The following KCNC2 variants were observed in gnomAD, a reference collection of about 807,000 sequenced individuals.
KCNC2 encodes potassium voltage-gated channel subfamily C member 2.
KCNC2 carries 21 observed loss-of-function variants against 44.5 expected under a neutral mutation model. The observed-to-expected ratio is 0.47, with a 90% confidence interval of 0.33 to 0.68. The LOEUF is 0.68. Among genes scored for constraint, KCNC2 ranks in the 30% least tolerant of loss-of-function variants. The probability of loss-of-function intolerance (pLI) is 0.01; values close to 1 mark genes in which losing one functional copy is unlikely to be tolerated. For missense variants in KCNC2, 589 were observed against 826.2 expected (o/e 0.71, Z 3.52); for synonymous variants, 391 against 339.1 (o/e 1.15, Z -1.68).
At chr12:75,191,526 TA>T (rs869080669) in intron 2 of KCNC2, among the ~76,000 whole-genome samples, 5,110 of 54,294 alleles carry the variant, frequency 0.094, 275 homozygotes, top group Admixed American at 0.21. Flanking sequence ...TTATTATTAT[TA>T]TTTTTTTTTT....
intron 2 of KCNC2, among the ~76,000 whole-genome samples, chr12:75,177,125 G>A (rs1035527491): frequency 1.3e-5 from 2 of 150,778 alleles, no homozygotes; most frequent in African/African-American, 4.9e-5. Context: ...TTGTTTTAGG[G>A]AGTGTTAGTT....
At chr12:75,067,135 G>C (rs1882910812) in intron 2 of KCNC2, among the ~76,000 whole-genome samples, 1 of 152,154 alleles carries the variant, frequency 6.6e-6, no homozygotes, top group Non-Finnish European at 1.5e-5. Flanking sequence ...CTGGGAGTTT[G>C]AGGCTACAGT....
intron 2 of KCNC2, among the ~76,000 whole-genome samples, chr12:75,164,404 TTG>T (rs1462218365): frequency 1.3e-5 from 2 of 151,718 alleles, no homozygotes; most frequent in African/African-American, 4.8e-5. Context: ...ACAAGTCAAT[TTG>T]TGTCCTCAGC....
intron 2 of KCNC2, among the ~76,000 whole-genome samples, chr12:75,071,205 A>G (rs1189234282): frequency 6.6e-6 from 1 of 152,210 alleles, no homozygotes; most frequent in Non-Finnish European, 1.5e-5. Flanking sequence ...GACCTGATGT[A>G]TGCAAAAGGC....
chr12:75,194,243 T>C (rs1019206415), intron 2 of KCNC2, among the ~76,000 whole-genome samples: 1 of 152,120 alleles, frequency 6.6e-6, no homozygotes, highest in Non-Finnish European at 1.5e-5. Flanking sequence ...CATAATCCAA[T>C]TGACTATTGT....
chr12:75,051,699 T>C (rs556247313), intron 2 of KCNC2, among the ~76,000 whole-genome samples: 109 of 152,272 alleles, frequency 7.2e-4, no homozygotes, highest in Non-Finnish European at 1.3e-3. Context: ...GAAATCTTTA[T>C]GCATATGATC....
At chr12:75,129,899 G>T (rs1888707717) in intron 2 of KCNC2, among the ~76,000 whole-genome samples, 3 of 152,126 alleles carry the variant, frequency 2.0e-5, no homozygotes, top group Non-Finnish European at 4.4e-5. Flanking sequence ...AGTATCTAAA[G>T]AAACATGCAA....
intron 2 of KCNC2, among the ~76,000 whole-genome samples, chr12:75,116,106 T>C (rs559022176): frequency 4.6e-5 from 7 of 152,322 alleles, no homozygotes; most frequent in African/African-American, 1.7e-4. Flanking sequence ...AATAAAAATG[T>C]TGTATGCATT....
intron 2 of KCNC2, among the ~76,000 whole-genome samples, chr12:75,077,260 G>T (rs1427045994): frequency 1.3e-5 from 2 of 151,908 alleles, no homozygotes; most frequent in Admixed American, 6.6e-5. Flanking sequence ...AATCACTTTT[G>T]GCATTATTAC....
chr12:75,169,166 C>A (rs1891649855), intron 2 of KCNC2, among the ~76,000 whole-genome samples: 1 of 151,510 alleles, frequency 6.6e-6, no homozygotes, highest in South Asian at 2.1e-4. Context: ...CACTTTCAAA[C>A]ATAAAGCTAG....
chr12:75,127,582 A>G (rs4473005), intron 2 of KCNC2, among the ~76,000 whole-genome samples: 93,812 of 151,978 alleles, frequency 0.62, 31,162 homozygotes, highest in African/African-American at 0.87. Flanking sequence ...TTGACCTTAG[A>G]ACTGAGAAGA....
At chr12:75,106,513 A>C (rs1219550533) in intron 2 of KCNC2, among the ~76,000 whole-genome samples, 1 of 152,184 alleles carries the variant, frequency 6.6e-6, no homozygotes, top group Non-Finnish European at 1.5e-5. Flanking sequence ...TACTGAGCAA[A>C]AGGAGGCATT....
At chr12:75,155,005 G>T (rs1365379473) in intron 2 of KCNC2, among the ~76,000 whole-genome samples, 2 of 151,854 alleles carry the variant, frequency 1.3e-5, no homozygotes, top group African/African-American at 4.8e-5. Context: ...GATATACTGT[G>T]CTACCTGCTT....
intron 2 of KCNC2, among the ~76,000 whole-genome samples, chr12:75,103,336 T>C (rs1886524098): frequency 6.6e-6 from 1 of 152,208 alleles, no homozygotes; most frequent in African/African-American, 2.4e-5. Flanking sequence ...CTATGATGTG[T>C]CATCCGTTTC....
At chr12:75,092,476 G>T (rs1285108658) in intron 2 of KCNC2, among the ~76,000 whole-genome samples, 1 of 151,360 alleles carries the variant, frequency 6.6e-6, no homozygotes, top group East Asian at 1.9e-4. Flanking sequence ...CACTCTCTGG[G>T]GGAATAAAAA....
chr12:75,051,666 T>G (rs1881187002), intron 2 of KCNC2, among the ~76,000 whole-genome samples: 1 of 152,054 alleles, frequency 6.6e-6, no homozygotes, highest in South Asian at 2.1e-4. Flanking sequence ...AAAGAGAAAT[T>G]TAGATGACAG....
At chr12:75,171,627 T>TG (rs1423606202) in intron 2 of KCNC2, among the ~76,000 whole-genome samples, 1 of 151,662 alleles carries the variant, frequency 6.6e-6, no homozygotes, top group African/African-American at 2.4e-5. Flanking sequence ...CAGAGGCTAG[T>TG]GGGGAGGGAG....
intron 2 of KCNC2, among the ~76,000 whole-genome samples, chr12:75,180,495 A>C (rs1892503364): frequency 6.6e-6 from 1 of 151,814 alleles, no homozygotes; most frequent in Admixed American, 6.6e-5. Context: ...TTTTAATTTC[A>C]TGGTGCGTAC....
At chr12:75,053,948 C>T (rs1040605984) in intron 2 of KCNC2, among the ~76,000 whole-genome samples, 5 of 151,576 alleles carry the variant, frequency 3.3e-5, no homozygotes, top group Middle Eastern at 3.4e-3. Context: ...AGAGGCCAGG[C>T]GCGGTGACTC....
Sources: gnomAD v4.1 joint callset for allele counts (sites outside exome capture counted in the v4.1 genomes callset) on GRCh38, gnomAD v4.1.1 for gene constraint, MANE v1.5 for transcripts, NCBI Gene and HGNC (gene_info 2026-07-23, HGNC 2026-07-21) for gene names.